The following ZMYM5 variants were observed in gnomAD, a reference collection of about 807,000 sequenced individuals.
The protein encoded by ZMYM5 is zinc finger MYM-type protein 5.
ZMYM5 carries 41 observed loss-of-function variants against 61.8 expected under a neutral mutation model. That is an observed-to-expected ratio of 0.66 (90% CI 0.52 to 0.86). The LOEUF is 0.86. Among genes scored for constraint, ZMYM5 ranks in the 40% least tolerant of loss-of-function variants. The pLI is 0.00. For missense variants in ZMYM5, 706 were observed against 786.7 expected, an observed-to-expected ratio of 0.90 and a Z score of 1.23; for synonymous variants, 257 against 276.4, an observed-to-expected ratio of 0.93 and a Z score of 0.70.
At chr13:19,839,375 C>G (rs1566093121) in intron 4 of ZMYM5, among the ~76,000 whole-genome samples, 1 of 151,722 alleles carries the variant, frequency 6.6e-6, no homozygotes, top group African/African-American at 2.4e-5. Context: ...CACAGGCACA[C>G]TCAAAAAATA....
intron 4 of ZMYM5, among the ~76,000 whole-genome samples, chr13:19,843,183 T>C (rs915219463): frequency 6.7e-6 from 1 of 150,156 alleles, no homozygotes; most frequent in Non-Finnish European, 1.5e-5. Flanking sequence ...TGGAGTGTGA[T>C]CTTGGCTCAC....
chr13:19,855,908 C>T (rs888680052), intron 2 of ZMYM5, among the ~76,000 whole-genome samples: 4 of 151,530 alleles, frequency 2.6e-5, no homozygotes, highest in African/African-American at 7.3e-5. Flanking sequence ...CCCAGCTACT[C>T]GGGAGGCTGA....
intron 4 of ZMYM5, among the ~76,000 whole-genome samples, chr13:19,847,112 T>A (rs1167110633): frequency 6.6e-6 from 1 of 152,156 alleles, no homozygotes; most frequent in Non-Finnish European, 1.5e-5. Flanking sequence ...CACACCCAGC[T>A]AATTTTTTGC....
chr13:19,837,735 GACAA>G lies in ZMYM5; in HGVS notation c.955_958del (p.Ser320ProfsTer24), dbSNP rs769238468. Reference sequence around the variant, plus strand: ...AAGATTCCAGTTGTTTTCACAGGGAGACAAACAAGATGTACTATAAAATTCTTGG... The same window carrying G: ...AAGATTCCAGTTGTTTTCACAGGGAGACAAGATGTACTATAAAATTCTTGG... On this transcript the variant is annotated frameshift_variant, in exon 6 of 8. Transcript: ENST00000337963. LOFTEE classifies it high-confidence loss of function. 1.3e-6 allele frequency: 2 copies of G among 1,582,526 alleles called. No homozygotes were observed. The highest frequency in any genetic ancestry group is 2.4e-5 in the South Asian group (2 of 85,030).
chr13:19,839,656 G>GTT (rs1283820129), intron 4 of ZMYM5, among the ~76,000 whole-genome samples: 1 of 152,092 alleles, frequency 6.6e-6, no homozygotes. Flanking sequence ...CATTACAGGC[G>GTT]TGAGCCACCA....
chr13:19,828,679 T>C (rs1891048588), intron 7 of ZMYM5, among the ~76,000 whole-genome samples: 1 of 152,216 alleles, frequency 6.6e-6, no homozygotes, highest in African/African-American at 2.4e-5. Flanking sequence ...TCTAGGATTA[T>C]AGCAGTAGAG....
At chr13:19,834,029 C>G (rs1023164010) in intron 7 of ZMYM5, among the ~76,000 whole-genome samples, 1 of 152,062 alleles carries the variant, frequency 6.6e-6, no homozygotes, top group Non-Finnish European at 1.5e-5. Context: ...CAGGCTGGAG[C>G]GCAATGGCGC....
intron 4 of ZMYM5, 31 bp downstream of exon 4, chr13:19,851,312 GGCTTATTTACTT>G (rs756240190): frequency 6.6e-7 from 1 of 1,520,572 alleles, no homozygotes; most frequent in Non-Finnish European, 9.1e-7. Context: ...AACAGCCAAA[GGCTTATTTACTT>G]GAGGTAGAAA....
chr13:19,851,728 G>A lies in ZMYM5; in HGVS notation c.453C>T (p.Asn151=), dbSNP rs200241907. Residue 151 remains asparagine (N), a synonymous_variant, in exon 3 of 8, where the codon AAC becomes AAT. Coordinates refer to ENST00000337963, the MANE Select transcript of ZMYM5 (RefSeq NM_001142684.2). Reference sequence around the variant, plus strand: ...GACTGGAAGTGGAGAAATCCAAATCGTTGGTTTTGTTTTTAGTTCCAGGAA... The same window carrying A: ...GACTGGAAGTGGAGAAATCCAAATCATTGGTTTTGTTTTTAGTTCCAGGAA... ...WGLPGTKNKT[N]DLDFSTSSLS... The A allele has an allele frequency of 3.8e-5, 60 of 1,582,834 alleles. No homozygotes were observed. In the East Asian group the frequency reaches 8.5e-4, roughly 22 times the overall value.
At chr13:19,860,727 C>T (rs1401588086) in intron 2 of ZMYM5, among the ~76,000 whole-genome samples, 3 of 151,360 alleles carry the variant, frequency 2.0e-5, no homozygotes, top group Non-Finnish European at 4.4e-5. Flanking sequence ...TGTGAGCCAC[C>T]ATGCCCAGCC....
At chr13:19,849,780 G>A (rs1313571337) in intron 4 of ZMYM5, among the ~76,000 whole-genome samples, 2 of 152,070 alleles carry the variant, frequency 1.3e-5, no homozygotes, top group Non-Finnish European at 2.9e-5. Context: ...AGGAGTTTGA[G>A]ACCAGCCTGG....
At chr13:19,850,712 T>C (rs1953255018) in intron 4 of ZMYM5, among the ~76,000 whole-genome samples, 1 of 151,988 alleles carries the variant, frequency 6.6e-6, no homozygotes, top group Non-Finnish European at 1.5e-5. Context: ...TAAAATAAAA[T>C]CCAATCATTA....
chr13:19,858,573 G>A (rs1002457868), intron 2 of ZMYM5, among the ~76,000 whole-genome samples: 19 of 109,348 alleles, frequency 1.7e-4, no homozygotes, highest in Non-Finnish European at 2.8e-4. Context: ...GACAGACTGA[G>A]AGACGCTGTT....
chr13:19,832,102 C>A (rs553557455), intron 7 of ZMYM5, among the ~76,000 whole-genome samples: 1 of 152,008 alleles, frequency 6.6e-6, no homozygotes, highest in African/African-American at 2.4e-5. Context: ...AGGTGATCTG[C>A]CACCCTTGGC....
At chr13:19,842,251 A>G (rs1322082239) in intron 4 of ZMYM5, among the ~76,000 whole-genome samples, 14 of 152,130 alleles carry the variant, frequency 9.2e-5, no homozygotes, top group Non-Finnish European at 2.1e-4. Flanking sequence ...CCTTTCCCGC[A>G]GGGGGCTGTC....
intron 2 of ZMYM5, among the ~76,000 whole-genome samples, chr13:19,859,206 A>G (rs1477781228): frequency 2.0e-5 from 3 of 152,106 alleles, no homozygotes; most frequent in African/African-American, 7.2e-5. Context: ...CCAGGCAGCA[A>G]ACTCTTTTCT....
At chr13:19,848,334 G>A (rs1378160588) in intron 4 of ZMYM5, among the ~76,000 whole-genome samples, 1 of 152,012 alleles carries the variant, frequency 6.6e-6, no homozygotes, top group Non-Finnish European at 1.5e-5. Context: ...AGGATGGAGT[G>A]TAGTGTTGTG....
intron 7 of ZMYM5, among the ~76,000 whole-genome samples, chr13:19,828,740 G>A (rs1276726118): frequency 6.6e-6 from 1 of 152,184 alleles, no homozygotes; most frequent in Non-Finnish European, 1.5e-5. Flanking sequence ...GTTGGTAATT[G>A]ATTGGCTCTA....
At chr13:19,828,912 A>G (rs1413742816) in intron 7 of ZMYM5, among the ~76,000 whole-genome samples, 1 of 152,164 alleles carries the variant, frequency 6.6e-6, no homozygotes, top group Non-Finnish European at 1.5e-5. Context: ...GATGGCATAT[A>G]AGGCGGTGGT....
Sources: gnomAD v4.1 joint callset for allele counts (sites outside exome capture counted in the v4.1 genomes callset) on GRCh38, gnomAD v4.1.1 for gene constraint, MANE v1.5 for transcripts, NCBI Gene and HGNC (gene_info 2026-07-23, HGNC 2026-07-21) for gene names.